The following SPTBN5 variants were observed in gnomAD, a reference collection of about 807,000 sequenced individuals.
SPTBN5 encodes spectrin beta, non-erythrocytic 5.
Under a neutral mutation model 477.6 loss-of-function variants are expected in SPTBN5, and 513 were observed. The ratio of observed to expected loss-of-function variants is 1.07; its 90% CI spans 1.00 to 1.16. The LOEUF is 1.16. Among genes scored for constraint, SPTBN5 ranks in the 50% most tolerant of loss-of-function variants. The probability of loss-of-function intolerance (pLI) is 0.00; values close to 1 mark genes in which losing one functional copy is unlikely to be tolerated. For synonymous variants in SPTBN5, 2,169 were observed against 2,011.7 expected (o/e 1.08, Z -2.09); for missense variants, 5,062 against 4,731.8 (o/e 1.07, Z -2.05).
At chr15:41,850,315 C>A (rs2065710328) in intron 66 of SPTBN5, 1 of 316,182 alleles carries the variant, frequency 3.2e-6, no homozygotes. Flanking sequence ...GGATCCCAGA[C>A]ACATTCCCTG....
At chr15:41,851,178 C>T in intron 64 of SPTBN5, 28 bp from the exon 65 acceptor site, 1 of 1,604,416 alleles carries the variant, frequency 6.2e-7, no homozygotes, top group Non-Finnish European at 8.5e-7. Context: ...GCAGGGGTCA[C>T]TGCGGCCATC....
In SPTBN5 at chr15:41,876,904, C is replaced by G; in HGVS notation, c.3756G>C (p.Glu1252Asp). 6.2e-7 allele frequency: 1 copy of G among 1,610,420 alleles called. No individual in the cohort carries two copies. The highest frequency in any genetic ancestry group is 8.5e-7 in the Non-Finnish European group (1 of 1,179,678). ...EALSLLQQHR[E>D]FGRLLSTLGP... ...CCAGGGTGCTCAGGAGCCGCCCAAA[C>G]TCCCGGTGCTGCTGCAGCAGGCTCA... Residue 1252 changes from glutamate (E) to aspartate (D), a missense_variant, in exon 19 of 68, where the codon GAG becomes GAC. By Grantham distance (45) the Glu-to-Asp change is conservative (BLOSUM62 2). Transcript: ENST00000320955.
chr15:41,874,931 C>T lies in SPTBN5; in HGVS notation c.4413G>A (p.Leu1471=). The change falls in exon 23 of 68, where the codon CTG becomes CTA. Residue 1471 remains leucine (L), a synonymous_variant. Transcript: ENST00000320955. The stretch of plus-strand genomic sequence containing the variant: ...AGGCGAGGGCAGCCATCTTGGCAGC[C>T]AGGGTCCGGCTCTCACTCTCCAGCT... The part of the protein sequence containing the change: ...HQQLESESRT[L]AAKMAALASM... 6.2e-7 allele frequency: 1 copy of T among 1,613,476 alleles called. No individual in the cohort carries two copies.
chr15:41,879,028 T>C (rs1443142194), intron 16 of SPTBN5, among the ~76,000 whole-genome samples: 1 of 152,142 alleles, frequency 6.6e-6, no homozygotes. Flanking sequence ...ATCACGCCAC[T>C]GCACTCAGCC....
chr15:41,861,825 C>A lies in SPTBN5; in HGVS notation c.7647G>T (p.Gln2549His). The A allele has an allele frequency of 6.2e-7, 1 of 1,601,720 alleles. No individual in the cohort carries two copies. The highest frequency in any genetic ancestry group is 2.2e-5 in the East Asian group (1 of 44,602). Residue 2549 changes from glutamine (Q) to histidine (H), a missense_variant, in exon 45 of 68, where the codon CAG (glutamine) becomes CAT (histidine). Coordinates refer to ENST00000320955, the MANE Select transcript of SPTBN5 (RefSeq NM_016642.4). ...AGHPFSSDIR[Q>H]VLAGLEQELS... ...GCTCCTGTTCTAAGCCAGCCAGCAC[C>A]TGGCGAATGTCGGAGCTGAAGGGGT... is the stretch of plus-strand genomic sequence containing the variant.
intron 49 of SPTBN5, 77 bp from the exon 50 acceptor site, chr15:41,857,787 C>A (rs1458352322): frequency 1.9e-5 from 28 of 1,489,328 alleles, no homozygotes; most frequent in South Asian, 3.7e-5. Context: ...CTCTGACCAC[C>A]AGCACTAGAG....
chr15:41,887,643 G>T (rs966167320), intron 5 of SPTBN5, among the ~76,000 whole-genome samples: 1 of 152,208 alleles, frequency 6.6e-6, no homozygotes, highest in Non-Finnish European at 1.5e-5. Flanking sequence ...GGACCAGGCT[G>T]GGGGGCTGGA....
intron 39 of SPTBN5, among the ~76,000 whole-genome samples, chr15:41,864,556 T>A (rs1248613051): frequency 1.3e-5 from 2 of 152,338 alleles, no homozygotes; most frequent in Non-Finnish European, 2.9e-5. Context: ...TCAAGTGATC[T>A]GCCCGCCTTG....
In SPTBN5 at chr15:41,853,745, T is replaced by A; in HGVS notation, c.9817A>T (p.Thr3273Ser). The A allele has an allele frequency of 6.3e-7, 1 of 1,581,254 alleles. No individual in the cohort carries two copies. ...AMEKEVARLQ[T>S]EACRLGQLHP... ...AGCTGGCCCAGTCGGCAGGCCTCCG[T>A]CTGTAGCCGTGCCACCTCCTTCTCC... Residue 3273 changes from threonine to serine, a missense_variant, in exon 58 of 68, where the codon ACG (threonine) becomes TCG (serine). Coordinates refer to ENST00000320955, the MANE Select transcript of SPTBN5 (RefSeq NM_016642.4).
chr15:41,856,581 C>T lies in SPTBN5; in HGVS notation c.8826G>A (p.Met2942Ile), dbSNP rs1319308123. 6.3e-7 allele frequency: 1 copy of T among 1,590,948 alleles called. No homozygotes were observed. Among genetic ancestry groups the T allele is most frequent in the African/African-American group, 1.3e-5 (1 of 74,624 alleles). ...QEQHQNLESE[M>I]SSHEALTRVV... ...CCCGGGTCAGAGCCTCGTGGCTGCT[C>T]ATCTCACTCTCCAGGTTCTGCGGGG... Residue 2942 changes from methionine (M) to isoleucine (I), a missense_variant, in exon 53 of 68, where the codon ATG becomes ATA. Coordinates refer to ENST00000320955, the MANE Select transcript of SPTBN5 (RefSeq NM_016642.4).
At position 41,852,433 on chromosome 15, in the gene SPTBN5, A is replaced by G. The variant is rs368424125; in HGVS notation, c.10450-117T>C. 3.1e-4 allele frequency: 432 copies of G among 1,398,306 alleles called. No homozygotes were observed. In the Middle Eastern group the frequency reaches 4.9e-3, roughly 16 times the overall value. 86.6% of individuals were successfully genotyped at this position (1,398,306 alleles called of 1,614,324 possible). ...CCGGTCAGAGGGGGCCTGCCTCCCC[A>G]TCACTAGCTCTTTCAGCTTTGGCTC... On this transcript the variant is annotated intron_variant, in intron 61 of 67. Transcript: ENST00000320955.
Position 41,851,277 on chromosome 15 carries a change from T to C in SPTBN5, c.10743+6A>G. The stretch of plus-strand genomic sequence containing the variant: ...ATGTCTGCATCTCCCCTACCCCGCC[T>C]GGTACCTCCGCTGCCATCCTCTCAT... On this transcript the variant is annotated splice_donor_region_variant and intron_variant, in intron 64 of 67. Coordinates refer to ENST00000320955, the MANE Select transcript of SPTBN5 (RefSeq NM_016642.4). 6.4e-7 allele frequency: 1 copy of C among 1,551,356 alleles called. No homozygotes were observed. Among genetic ancestry groups the C allele is most frequent in the Admixed American group, 2.0e-5 (1 of 51,024 alleles).
At chr15:41,864,080 C>T in intron 39 of SPTBN5, 56 bp from the exon 40 acceptor site, 3 of 1,456,738 alleles carry the variant, frequency 2.1e-6, no homozygotes, top group South Asian at 1.2e-5. Context: ...GCCCCTTCTT[C>T]CCACCTCAGC....
rs191576229 is a variant in SPTBN5 at position 41,857,487 on chromosome 15, C to T, written c.8372G>A (p.Arg2791His). Residue 2791 changes from arginine to histidine, a missense_variant, in exon 51 of 68, where the codon CGT (arginine) becomes CAT (histidine). By Grantham distance (29) the Arg-to-His change is conservative (BLOSUM62 0). Transcript: ENST00000320955. Reference protein sequence around the residue: ...AKLQKACEALRLRRSMEELEN... With the variant: ...AKLQKACEALHLRRSMEELEN... ...CAGTTCCTCCATGCTCCGCCGCAGA[C>T]GCAGGGCCTAGGGTAGAAAGTGAGG... 100 of 1,608,096 alleles carry T rather than the reference C, an allele frequency of 6.2e-5. No individual in the cohort carries two copies. Among genetic ancestry groups the T allele is most frequent in the African/African-American group, 1.9e-4 (14 of 74,872 alleles).
At position 41,857,695 on chromosome 15, in the gene SPTBN5, G is replaced by A. The variant is rs1250476730; in HGVS notation, c.8242C>T (p.Leu2748=). ...TCCGAGGCTGGGTGGCCCCCCTGCAGCAGCCTCTGTCCCTCCTGCAGCCAC... is the reference window on the plus strand; with the variant it reads ...TCCGAGGCTGGGTGGCCCCCCTGCAACAGCCTCTGTCCCTCCTGCAGCCAC... The part of the protein sequence containing the change: ...QELQREGQRL[L]QGGHPASEAI... The change falls in exon 50 of 68, where the codon CTG becomes TTG. Residue 2748 remains leucine (L), a synonymous_variant. Coordinates refer to ENST00000320955, the MANE Select transcript of SPTBN5 (RefSeq NM_016642.4). 6 of 1,576,718 alleles carry A rather than the reference G, an allele frequency of 3.8e-6. No individual in the cohort carries two copies. The highest frequency in any genetic ancestry group is 5.2e-6 in the Non-Finnish European group (6 of 1,163,280).
At chr15:41,865,772 T>C in intron 39 of SPTBN5, 36 bp downstream of exon 39, 1 of 1,525,042 alleles carries the variant, frequency 6.6e-7, no homozygotes, top group Middle Eastern at 2.1e-4. Flanking sequence ...CAGTGCGGGA[T>C]GCATGGCCAA....
chr15:41,880,038 C>A, intron 14 of SPTBN5, 122 bp downstream of exon 14: 1 of 1,424,668 alleles, frequency 7.0e-7, no homozygotes, highest in South Asian at 1.5e-5. Flanking sequence ...AAATTCAGGC[C>A]AGCTCTCTGC....
Position 41,853,336 on chromosome 15 carries a change from C to G in SPTBN5, c.10092G>C (p.Arg3364Ser). 6.2e-7 allele frequency: 1 copy of G among 1,612,852 alleles called. No homozygotes were observed. Among genetic ancestry groups the G allele is most frequent in the Non-Finnish European group, 8.5e-7 (1 of 1,179,590 alleles). ...GQHEELGQEI[R>S]ECRLQAQDLR... ...GGTCCTGGGCTTGAAGGCGGCACTC[C>G]CTGATTTCTTGCCCCAGCTCTTCAT... is the stretch of plus-strand genomic sequence containing the variant. Residue 3364 changes from arginine to serine, a missense_variant, in exon 59 of 68, where the codon AGG becomes AGC. Physicochemically the swap from Arg to Ser is moderately radical, Grantham distance 110. Transcript: ENST00000320955.
chr15:41,852,025 T>G (rs1595438874), intron 62 of SPTBN5, 157 bp downstream of exon 62: 2 of 998,284 alleles, frequency 2.0e-6, no homozygotes, highest in South Asian at 3.3e-5. Context: ...GGTATGGCTG[T>G]AGACAGCCAT....
Sources: gnomAD v4.1 joint callset for allele counts (sites outside exome capture counted in the v4.1 genomes callset) on GRCh38, gnomAD v4.1.1 for gene constraint, MANE v1.5 for transcripts, NCBI Gene and HGNC (gene_info 2026-07-23, HGNC 2026-07-21) for gene names.